Variants in KMT2E observed in about 807,000 individuals in gnomAD.
KMT2E encodes the protein histone reader KMT2E.
In KMT2E, 30 loss-of-function variants were observed where a neutral mutation model predicts 184.6. The ratio of observed to expected loss-of-function variants is 0.16; its 90% CI spans 0.12 to 0.22. The LOEUF is 0.22. Among genes scored for constraint, KMT2E ranks in the 10% least tolerant of loss-of-function variants. KMT2E has a pLI of 1.00. For synonymous variants in KMT2E, 815 were observed against 776.5 expected, an observed-to-expected ratio of 1.05 and a Z score of -0.82; for missense variants, 2,023 against 2,237.4, an observed-to-expected ratio of 0.90 and a Z score of 1.93.
chr7:105,096,436 A>T lies in KMT2E; in HGVS notation c.1723-4989A>T, dbSNP rs575721642. Among the ~76,000 whole-genome samples, 4 of 152,280 alleles carry T rather than the reference A, an allele frequency of 2.6e-5. No homozygotes were observed. In the South Asian group the frequency reaches 6.2e-4, roughly 24 times the overall value. ...GATTGCTTAAAATTGAGTCCACAGA[A>T]GATGATTCAGTGTGGTCTTCATATT... On this transcript the variant is annotated intron_variant, in intron 15 of 26. Transcript: ENST00000311117.
chr7:105,093,482 G>A (rs1168618898), intron 15 of KMT2E, among the ~76,000 whole-genome samples: 1 of 152,090 alleles, frequency 6.6e-6, no homozygotes, highest in Non-Finnish European at 1.5e-5. Context: ...AGGAGTTCGA[G>A]ACCAGCCTGA....
chr7:105,059,214 A>G (rs1305645790), intron 3 of KMT2E, among the ~76,000 whole-genome samples: 1 of 152,234 alleles, frequency 6.6e-6, no homozygotes, highest in Non-Finnish European at 1.5e-5. Context: ...TGCAAAAGTT[A>G]TGGCTGCTAC....
intron 12 of KMT2E, among the ~76,000 whole-genome samples, chr7:105,081,193 A>C (rs907646567): frequency 6.6e-6 from 1 of 152,030 alleles, no homozygotes; most frequent in Non-Finnish European, 1.5e-5. Flanking sequence ...CATCCTGGCT[A>C]ACACTGTGAA....
chr7:105,108,113 A>T (rs1296673344), intron 22 of KMT2E, among the ~76,000 whole-genome samples, 188 bp downstream of exon 22: 1 of 152,162 alleles, frequency 6.6e-6, no homozygotes, highest in Non-Finnish European at 1.5e-5. Context: ...AAAGTAAAAA[A>T]ATTCTAGTAA....
chr7:105,084,689 G>A (rs1797892353), intron 13 of KMT2E, among the ~76,000 whole-genome samples: 1 of 151,624 alleles, frequency 6.6e-6, no homozygotes, highest in Admixed American at 6.6e-5. Context: ...AGAACCACAA[G>A]AGATCACTTT....
At chr7:105,071,396 G>A (rs1797282441) in intron 6 of KMT2E, among the ~76,000 whole-genome samples, 1 of 150,156 alleles carries the variant, frequency 6.7e-6, no homozygotes, top group Admixed American at 6.7e-5. Flanking sequence ...GAAATGGAGT[G>A]TTGCTGTGTC....
At chr7:105,111,702 C>G (rs769316518) in intron 26 of KMT2E, 123 bp from the exon 27 acceptor site, 192 of 1,146,232 alleles carry the variant, frequency 1.7e-4, no homozygotes, top group Admixed American at 1.2e-3. Context: ...TTGACGTATC[C>G]AGGATGTTAT....
intron 15 of KMT2E, among the ~76,000 whole-genome samples, chr7:105,093,415 C>T (rs1209010861): frequency 6.6e-6 from 1 of 152,152 alleles, no homozygotes; most frequent in Non-Finnish European, 1.5e-5. Context: ...GGCGCGGTGG[C>T]TCACGCCTGT....
intron 13 of KMT2E, among the ~76,000 whole-genome samples, chr7:105,086,006 T>C (rs1280920980): frequency 1.3e-5 from 2 of 152,240 alleles, no homozygotes; most frequent in Non-Finnish European, 2.9e-5. Context: ...TTACTATGTC[T>C]GTATTTGTTG....
Position 105,074,629 on chromosome 7 carries a change from T to C in KMT2E, c.557-14T>C. The C allele has an allele frequency of 6.8e-7, 1 of 1,468,120 alleles. No homozygotes were observed. The highest frequency in any genetic ancestry group is 2.1e-4 in the Middle Eastern group (1 of 4,778). 90.9% of individuals were successfully genotyped at this position (1,468,120 alleles called of 1,614,324 possible). ...GAAGTATTAAATGTGCAATAATTTT[T>C]ATTTTGTCTGAAGATGGTGATACCA... On this transcript the variant is annotated splice_polypyrimidine_tract_variant and intron_variant, in intron 7 of 26. Transcript: ENST00000311117.
At position 105,110,595 on chromosome 7, in the gene KMT2E, T is replaced by C. The variant is rs1372612995; in HGVS notation, c.3963T>C (p.Leu1321=). 6.2e-7 allele frequency: 1 copy of C among 1,614,094 alleles called. No homozygotes were observed. Among genetic ancestry groups the C allele is most frequent in the Admixed American group, 1.7e-5 (1 of 60,018 alleles). ...AKGPVPSFSE[L]MEDPDPENPE... is the part of the protein sequence containing the mutation. ...GCCCAGTCCCTTCTTTCAGTGAACT[T>C]ATGGAAGGTCAGTAAGCAGATGACC... The change falls in exon 25 of 27, where the codon CTT becomes CTC. Residue 1321 remains leucine, a synonymous_variant. Transcript: ENST00000311117.
chr7:105,109,980 G>A (rs767686573), intron 23 of KMT2E, among the ~76,000 whole-genome samples: 18 of 151,192 alleles, frequency 1.2e-4, no homozygotes, highest in South Asian at 8.4e-4. Flanking sequence ...AGTAGCGCCC[G>A]CCACCATGCC....
At chr7:105,106,391 G>T (rs546845993) in intron 19 of KMT2E, 131 bp from the exon 20 acceptor site, 3 of 860,134 alleles carry the variant, frequency 3.5e-6, no homozygotes, top group East Asian at 5.2e-5. Flanking sequence ...TTTTAAAACC[G>T]TGAAATTCAG....
intron 3 of KMT2E, among the ~76,000 whole-genome samples, chr7:105,051,165 CTTCCTTCCTTCCTTTT>C (rs1457813421): frequency 5.6e-5 from 8 of 142,282 alleles, no homozygotes; most frequent in East Asian, 2.0e-4. Flanking sequence ...CCCTTTCTTC[CTTCCTTCCTTCCTTTT>C]TTCCTTCCTT....
chr7:105,103,666 C>T (rs1798755376), intron 17 of KMT2E: 1 of 151,826 alleles, frequency 6.6e-6, no homozygotes, highest in Admixed American at 6.6e-5. Context: ...GTTCTATATA[C>T]AGAGAGGGAC....
In KMT2E at chr7:105,105,526, A is replaced by G. The variant is rs1308212240; in HGVS notation, c.2284A>G (p.Thr762Ala). 1.2e-6 allele frequency: 2 copies of G among 1,613,902 alleles called. No homozygotes were observed. Among genetic ancestry groups the G allele is most frequent in the Admixed American group, 1.7e-5 (1 of 60,016 alleles). ...GLSERPLRIT[T>A]DPEVLATQLN... Reference sequence around the variant, plus strand: ...TTCAGAAAGGCCTCTACGCATAACTACAGATCCTGAAGTGTTAGCTACACA... The same window carrying G: ...TTCAGAAAGGCCTCTACGCATAACTGCAGATCCTGAAGTGTTAGCTACACA... The change falls in exon 18 of 27, where the codon ACA becomes GCA. Residue 762 changes from threonine to alanine, a missense_variant. Thr to Ala is a moderately conservative substitution (Grantham distance 58). Around this residue, in one of 8 missense-constraint regions of KMT2E, gnomAD observed 514 missense variants for 621.8 expected, o/e 0.83. Coordinates refer to ENST00000311117, the MANE Select transcript of KMT2E (RefSeq NM_182931.3).
At position 105,034,351 on chromosome 7, in the gene KMT2E, A is replaced by G. The variant is rs373044675; in HGVS notation, c.-188-3775A>G. 1.3e-4 allele frequency among the ~76,000 whole-genome samples: 20 copies of G among 152,142 alleles called. No individual in the cohort carries two copies. The South Asian group carries it at 2.7e-3, about 21-fold the overall frequency. ...AGGCTCAGACGATCCTCCTACCTCA[A>G]TCTCCTGAATAGTTAGGACTACAGG... On this transcript the variant is annotated intron_variant, in intron 1 of 26. Coordinates refer to ENST00000311117, the MANE Select transcript of KMT2E (RefSeq NM_182931.3).
chr7:105,104,058 C>G (rs952055759), intron 17 of KMT2E: 5 of 152,052 alleles, frequency 3.3e-5, no homozygotes, highest in Admixed American at 1.3e-4. Flanking sequence ...ATCTCCTGAC[C>G]TTGTGATCCA....
At chr7:105,076,394 G>A (rs1364504549) in intron 9 of KMT2E, among the ~76,000 whole-genome samples, 3 of 152,168 alleles carry the variant, frequency 2.0e-5, no homozygotes, top group Non-Finnish European at 4.4e-5. Context: ...CTGTACTTAG[G>A]AATGCAGAAT....
Sources: allele counts gnomAD v4.1 joint callset (sites outside exome capture counted in the v4.1 genomes callset), GRCh38; gene constraint gnomAD v4.1.1; regional missense constraint gnomAD v4.1.1; transcripts MANE v1.5; gene names NCBI Gene and HGNC (gene_info 2026-07-23, HGNC 2026-07-21).